The following ASIC2 variants were observed in gnomAD, a reference collection of about 807,000 sequenced individuals.
The protein encoded by ASIC2 is acid sensing ion channel subunit 2.
ASIC2 carries 25 observed loss-of-function variants against 57.3 expected under a neutral mutation model. That is an observed-to-expected ratio of 0.44 (90% confidence interval 0.32 to 0.61). The LOEUF (loss-of-function observed/expected upper bound fraction) is 0.61, where lower values mean the gene tolerates loss of function less well. Ranked by LOEUF, ASIC2 falls within the 20% of genes least tolerant of loss-of-function variation. The pLI is 0.06. For missense variants in ASIC2, 641 were observed against 738.1 expected (o/e 0.87, Z 1.52); for synonymous variants, 319 against 307.5 (o/e 1.04, Z -0.39).
At chr17:33,983,709 C>T (rs1905707782) in intron 1 of ASIC2, among the ~76,000 whole-genome samples, 1 of 152,226 alleles carries the variant, frequency 6.6e-6, no homozygotes, top group South Asian at 2.1e-4. Context: ...GGCCCATTTA[C>T]TCAGCCCTCT....
chr17:33,928,954 G>A (rs1004898361), intron 1 of ASIC2, among the ~76,000 whole-genome samples: 2 of 152,080 alleles, frequency 1.3e-5, no homozygotes, highest in African/African-American at 4.8e-5. Flanking sequence ...GTAGGGAGGC[G>A]CTCGTTCTTG....
intron 1 of ASIC2, among the ~76,000 whole-genome samples, chr17:33,421,690 T>C (rs1326158405): frequency 6.6e-6 from 1 of 152,230 alleles, no homozygotes; most frequent in African/African-American, 2.4e-5. Context: ...GGCCAGGAAG[T>C]AGAAAATGGA....
chr17:34,018,818 T>C (rs1000383044), intron 1 of ASIC2, among the ~76,000 whole-genome samples: 24 of 152,228 alleles, frequency 1.6e-4, no homozygotes, highest in African/African-American at 5.8e-4. Context: ...ACTGTAGTTC[T>C]CACATTGACT....
intron 1 of ASIC2, among the ~76,000 whole-genome samples, chr17:33,531,799 T>C (rs1440336997): frequency 1.3e-5 from 2 of 152,126 alleles, no homozygotes; most frequent in Admixed American, 6.5e-5. Context: ...AAGTTTCTGA[T>C]GGTGAGGTGC....
intron 1 of ASIC2, among the ~76,000 whole-genome samples, chr17:33,606,621 G>A (rs1013692892): frequency 6.6e-6 from 1 of 152,162 alleles, no homozygotes; most frequent in South Asian, 2.1e-4. Flanking sequence ...ACTGTTGAGG[G>A]CATGGCAGTG....
intron 1 of ASIC2, among the ~76,000 whole-genome samples, chr17:33,650,020 TG>T: frequency 6.6e-6 from 1 of 152,300 alleles, no homozygotes; most frequent in African/African-American, 2.4e-5. Context: ...TTTTGCTATT[TG>T]AAAGACTCTC....
intron 1 of ASIC2, among the ~76,000 whole-genome samples, chr17:33,713,824 G>C (rs2142078308): frequency 6.6e-6 from 1 of 152,348 alleles, no homozygotes; most frequent in African/African-American, 2.4e-5. Flanking sequence ...GTAATCCCCT[G>C]GGATCTGGAC....
At chr17:33,673,048 G>A (rs1274276189) in intron 1 of ASIC2, among the ~76,000 whole-genome samples, 2 of 152,176 alleles carry the variant, frequency 1.3e-5, no homozygotes, top group Non-Finnish European at 2.9e-5. Context: ...TGGGATGGGG[G>A]ACATAAAGAA....
chr17:33,096,337 G>C (rs1488135813), intron 2 of ASIC2, among the ~76,000 whole-genome samples: 1 of 152,174 alleles, frequency 6.6e-6, no homozygotes, highest in South Asian at 2.1e-4. Context: ...CCATGAGCAT[G>C]TGCCACCGGC....
At chr17:33,373,158 TC>T (rs1909145384) in intron 1 of ASIC2, among the ~76,000 whole-genome samples, 3 of 152,200 alleles carry the variant, frequency 2.0e-5, no homozygotes, top group Admixed American at 2.0e-4. Context: ...TGTCCCTGGA[TC>T]CTATGGCACT....
At chr17:33,602,357 G>A (rs1323226733) in intron 1 of ASIC2, among the ~76,000 whole-genome samples, 2 of 152,164 alleles carry the variant, frequency 1.3e-5, no homozygotes, top group Non-Finnish European at 2.9e-5. Flanking sequence ...TCTTGCCCTT[G>A]TGAATAAATT....
chr17:34,151,727 A>C (rs1904533045), intron 1 of ASIC2, among the ~76,000 whole-genome samples: 1 of 152,202 alleles, frequency 6.6e-6, no homozygotes, highest in African/African-American at 2.4e-5. Flanking sequence ...TGGAATAGTG[A>C]GCAAACCACT....
intron 1 of ASIC2, among the ~76,000 whole-genome samples, chr17:33,321,776 G>A (rs1459934177): frequency 4.6e-5 from 7 of 152,180 alleles, no homozygotes; most frequent in African/African-American, 9.7e-5. Flanking sequence ...CTTTCATTAT[G>A]CATTTTCTTT....
chr17:33,393,519 C>A (rs1016435619), intron 1 of ASIC2, among the ~76,000 whole-genome samples: 2 of 152,158 alleles, frequency 1.3e-5, no homozygotes, highest in African/African-American at 4.8e-5. Flanking sequence ...AAAGCTTGAA[C>A]CACACTATCT....
chr17:33,266,241 C>T (rs112577585), intron 1 of ASIC2, among the ~76,000 whole-genome samples: 3,351 of 152,258 alleles, frequency 0.022, 97 homozygotes, highest in African/African-American at 0.071. Flanking sequence ...TTTTTATCCT[C>T]CCCCCATCCA....
At chr17:33,835,592 C>T (rs189080016) in intron 1 of ASIC2, among the ~76,000 whole-genome samples, 38 of 152,242 alleles carry the variant, frequency 2.5e-4, no homozygotes, top group East Asian at 1.4e-3. Flanking sequence ...AAGTGACTAG[C>T]GGAAGATCAC....
At chr17:34,039,905 G>A (rs1908042266) in intron 1 of ASIC2, 3 of 1,560,558 alleles carry the variant, frequency 1.9e-6, no homozygotes, top group South Asian at 1.1e-5. Flanking sequence ...GCCGCTCCAC[G>A]CTCCTCCCTG....
chr17:33,198,281 G>A (rs1046889940), intron 1 of ASIC2, among the ~76,000 whole-genome samples: 1 of 152,208 alleles, frequency 6.6e-6, no homozygotes, highest in African/African-American at 2.4e-5. Context: ...GAACTCGGGA[G>A]GTCCAGACTG....
intron 1 of ASIC2, among the ~76,000 whole-genome samples, chr17:33,523,470 G>C (rs1597764528): frequency 6.6e-6 from 1 of 152,048 alleles, no homozygotes; most frequent in Non-Finnish European, 1.5e-5. Context: ...TATTGCCCAG[G>C]CTAGTCTCGA....
Sources: allele counts gnomAD v4.1 joint callset (sites outside exome capture counted in the v4.1 genomes callset), GRCh38; gene constraint gnomAD v4.1.1; transcripts MANE v1.5; gene names NCBI Gene and HGNC (gene_info 2026-07-23, HGNC 2026-07-21).